Variants in FSTL5 observed in about 807,000 individuals in gnomAD.
FSTL5 encodes follistatin like 5, also known as follistatin-related protein 5.
In FSTL5, 62 loss-of-function variants were observed where a neutral mutation model predicts 89.1. The observed-to-expected ratio is 0.70, with a 90% CI of 0.57 to 0.86. The LOEUF is 0.86. Ranked by LOEUF, FSTL5 falls within the 40% of genes least tolerant of loss-of-function variation. FSTL5 has a pLI of 0.00. For synonymous variants in FSTL5, 383 were observed against 346.2 expected, an observed-to-expected ratio of 1.11 and a Z score of -1.18; for missense variants, 1,057 against 1,001.6, an observed-to-expected ratio of 1.06 and a Z score of -0.75.
intron 7 of FSTL5, among the ~76,000 whole-genome samples, chr4:161,592,558 A>G (rs1294020328): frequency 6.6e-6 from 1 of 151,336 alleles, no homozygotes; most frequent in Non-Finnish European, 1.5e-5. Context: ...TTTGCTGAGA[A>G]TGATGGTTTC....
chr4:161,983,517 T>C (rs568815920), intron 3 of FSTL5, among the ~76,000 whole-genome samples: 4 of 152,314 alleles, frequency 2.6e-5, no homozygotes, highest in African/African-American at 9.6e-5. Flanking sequence ...CTTTGAAGTA[T>C]AAATTAGAGG....
chr4:161,797,611 A>G (rs759199500), intron 4 of FSTL5, among the ~76,000 whole-genome samples: 3 of 151,584 alleles, frequency 2.0e-5, no homozygotes, highest in Non-Finnish European at 4.4e-5. Flanking sequence ...TTCAATTATA[A>G]TGTACATGAA....
chr4:162,067,546 G>C (rs1166359386), intron 2 of FSTL5, among the ~76,000 whole-genome samples: 1 of 151,938 alleles, frequency 6.6e-6, no homozygotes, highest in African/African-American at 2.4e-5. Flanking sequence ...AGTATTTAGG[G>C]AAAATACCTC....
chr4:161,960,998 C>A (rs1237301234), intron 3 of FSTL5, among the ~76,000 whole-genome samples: 1 of 151,796 alleles, frequency 6.6e-6, no homozygotes, highest in Non-Finnish European at 1.5e-5. Context: ...TTAAATATAA[C>A]CATTTAAGAA....
rs185720099 is a variant in FSTL5 at position 161,830,579 on chromosome 4, T to C, written c.410-54505A>G. Among the ~76,000 whole-genome samples the C allele has an allele frequency of 4.6e-5, 7 of 152,156 alleles. No homozygotes were observed. In the East Asian group the frequency reaches 1.4e-3, roughly 29 times the overall value. ...GAAAGATACTTAGCATCTTGAGACT[T>C]CAGATTCTCTGTCTACCATAAGTAT... On this transcript the variant is annotated intron_variant, in intron 4 of 15. Coordinates refer to ENST00000306100, the MANE Select transcript of FSTL5 (RefSeq NM_020116.5).
intron 3 of FSTL5, among the ~76,000 whole-genome samples, chr4:161,948,901 C>G (rs1734813477): frequency 6.6e-6 from 1 of 152,078 alleles, no homozygotes; most frequent in Non-Finnish European, 1.5e-5. Context: ...GCTATTTTCT[C>G]TCACAGCTTG....
chr4:161,694,842 CTTTTTTT>C (rs34276732), intron 6 of FSTL5, among the ~76,000 whole-genome samples: 1 of 106,200 alleles, frequency 9.4e-6, no homozygotes, highest in Non-Finnish European at 1.8e-5. Flanking sequence ...TTCTAAATGC[CTTTTTTT>C]TTTTTTTTTT....
At chr4:161,534,005 G>T (rs900386379) in intron 10 of FSTL5, among the ~76,000 whole-genome samples, 5 of 152,098 alleles carry the variant, frequency 3.3e-5, no homozygotes, top group Admixed American at 1.3e-4. Flanking sequence ...AGAGATGCAG[G>T]AAAAGCCTTT....
At chr4:161,611,288 A>T (rs993673314) in intron 7 of FSTL5, among the ~76,000 whole-genome samples, 2 of 143,976 alleles carry the variant, frequency 1.4e-5, no homozygotes, top group African/African-American at 2.5e-5. Flanking sequence ...GAATCAGTAG[A>T]TTATGTCATT....
At chr4:162,111,474 C>T in intron 1 of FSTL5, 62 bp from the exon 2 acceptor site, 5 of 1,276,980 alleles carry the variant, frequency 3.9e-6, no homozygotes, top group Non-Finnish European at 5.4e-6. Flanking sequence ...AAACATGTAT[C>T]ATGAAATATT....
rs1561041747 is a variant in FSTL5, at chr4:162,141,262, G to GTC, written c.-17+22352_-17+22353insGA. Among the ~76,000 whole-genome samples the GTC allele has an allele frequency of 2.1e-5, 2 of 93,540 alleles. 1 individual carries two copies. The highest frequency in any genetic ancestry group is 4.8e-5 in the Non-Finnish European group (2 of 41,752). The allele number at this position is 93,540 out of a possible 152,430, so 61.4% of individuals were successfully genotyped here. Reference sequence around the variant, plus strand: ...CTCCCGTGTAGCTGGGACTACAGGCGCGCACCACCATGCCCGGCTAATTTT... The same window carrying GTC: ...CTCCCGTGTAGCTGGGACTACAGGCGTCCGCACCACCATGCCCGGCTAATTTT... On this transcript the variant is annotated intron_variant, in intron 1 of 15. Transcript: ENST00000306100.
At chr4:161,916,111 T>C (rs1420036933) in intron 4 of FSTL5, among the ~76,000 whole-genome samples, 1 of 152,150 alleles carries the variant, frequency 6.6e-6, no homozygotes, top group Non-Finnish European at 1.5e-5. Flanking sequence ...GGAAACAATG[T>C]CAGATTTCAT....
Position 161,556,808 on chromosome 4 carries a change from C to T in FSTL5, c.1016-14115G>A, listed in dbSNP as rs959821505. On this transcript the variant is annotated intron_variant, in intron 8 of 15. Coordinates refer to ENST00000306100, the MANE Select transcript of FSTL5 (RefSeq NM_020116.5). ...TTATACAAACTTAGTTCGTATTTCT[C>T]GGTAAAAGATTATATATATATGTGT... Among the ~76,000 whole-genome samples, 3 of 142,778 alleles carry T rather than the reference C, an allele frequency of 2.1e-5. No individual in the cohort carries two copies. The Admixed American group carries it at 2.1e-4, about 10-fold the overall frequency. The allele number at this position is 142,778 out of a possible 152,430, so 93.7% of individuals were successfully genotyped here. A position where few individuals can be genotyped will look rare whatever the true frequency, so the allele number is the denominator to read the frequency against.
chr4:161,620,959 T>C (rs1282833996), intron 7 of FSTL5, among the ~76,000 whole-genome samples: 4 of 150,228 alleles, frequency 2.7e-5, no homozygotes, highest in Non-Finnish European at 5.9e-5. Context: ...GTATCACTCC[T>C]CCCTCTAGAA....
At chr4:162,066,190 A>C (rs1000017214) in intron 2 of FSTL5, among the ~76,000 whole-genome samples, 12 of 151,730 alleles carry the variant, frequency 7.9e-5, no homozygotes, top group African/African-American at 2.9e-4. Context: ...GAATTTATTG[A>C]ATATATTTTT....
At position 162,029,166 on chromosome 4, in the gene FSTL5, A is replaced by AGAGAGT. The variant is rs1491510494; in HGVS notation, c.160+4458_160+4459insACTCTC. On this transcript the variant is annotated intron_variant, in intron 3 of 15. Transcript: ENST00000306100. ...ATGAGGGAGAGAGAGAGAGAGAGAG[A>AGAGAGT]GTGTGTGTGTGTGTGTGTGTGCGTG... Among the ~76,000 whole-genome samples the AGAGAGT allele has an allele frequency of 3.8e-3, 454 of 120,682 alleles. 1 individual carries two copies. The highest frequency in any genetic ancestry group is 0.011 in the African/African-American group (421 of 37,432). The allele number at this position is 120,682 out of a possible 152,430, so 79.2% of individuals were successfully genotyped here. A position where few individuals can be genotyped will look rare whatever the true frequency, so the allele number is the denominator to read the frequency against.
chr4:162,020,367 T>A (rs544410470), intron 3 of FSTL5, among the ~76,000 whole-genome samples: 1 of 152,224 alleles, frequency 6.6e-6, no homozygotes, highest in East Asian at 1.9e-4. Flanking sequence ...ACAAATGATA[T>A]CCTCTAATAG....
chr4:161,855,160 TA>T (rs1411093667), intron 4 of FSTL5, among the ~76,000 whole-genome samples: 4 of 151,950 alleles, frequency 2.6e-5, no homozygotes, highest in East Asian at 1.9e-4. Flanking sequence ...ATTGTGGTAT[TA>T]GGGGTAAATT....
At chr4:161,969,172 G>A (rs906070967) in intron 3 of FSTL5, among the ~76,000 whole-genome samples, 3 of 152,026 alleles carry the variant, frequency 2.0e-5, no homozygotes, top group African/African-American at 7.2e-5. Flanking sequence ...TTTAGTTTTG[G>A]TAGAGAGTAC....
Sources: allele counts gnomAD v4.1 joint callset (sites outside exome capture counted in the v4.1 genomes callset), GRCh38; gene constraint gnomAD v4.1.1; transcripts MANE v1.5; gene names NCBI Gene and HGNC (gene_info 2026-07-23, HGNC 2026-07-21).